The following RPS6KA2 variants were observed in gnomAD, a reference collection of about 807,000 sequenced individuals.
The protein encoded by RPS6KA2 is ribosomal protein S6 kinase A2.
Under a neutral mutation model 91.8 loss-of-function variants are expected in RPS6KA2, and 42 were observed. The ratio of observed to expected loss-of-function variants is 0.46; its 90% CI spans 0.36 to 0.59. The LOEUF is 0.59. Among genes scored for constraint, RPS6KA2 ranks in the 20% least tolerant of loss-of-function variants. The probability of loss-of-function intolerance (pLI) is 0.00; values close to 1 mark genes in which losing one functional copy is unlikely to be tolerated. For synonymous variants in RPS6KA2, 414 were observed against 393.6 expected, an observed-to-expected ratio of 1.05 and a Z score of -0.61; for missense variants, 798 against 978.5, an observed-to-expected ratio of 0.82 and a Z score of 2.46.
rs369192177 is a variant in RPS6KA2 at position 166,635,042 on chromosome 6, T to C, written c.124-96258A>G. Among the ~76,000 whole-genome samples the C allele has an allele frequency of 5.9e-4, 90 of 152,344 alleles. 1 individual carries two copies. In the South Asian group the frequency reaches 0.018, roughly 31 times the overall value. On this transcript the variant is annotated intron_variant, in intron 2 of 21. Coordinates refer to the RPS6KA2 transcript ENST00000503859. This position sits in a 1 kb window ranked among gnomAD's most constrained non-coding sequence, Gnocchi z 4.8. ...ATGAGGAAAATGAGACCATAATTTT[T>C]AAATTATAATAATTTTAAAAAGACT...
At chr6:166,830,140 AAGAAAG>A (rs1360686246) in intron 2 of RPS6KA2, among the ~76,000 whole-genome samples, 1 of 21,752 alleles carries the variant, frequency 4.6e-5, no homozygotes, top group African/African-American at 1.8e-4. Flanking sequence ...AAAAAAAAAA[AAGAAAG>A]AAAGAAAGAA....
In RPS6KA2 at chr6:166,822,391, C is replaced by T. The variant is rs560987541; in HGVS notation, c.123+35809G>A. ...CAGGGAGACACCCTGGCTTTGCTTGCGCAGAGAGACAACCAGGTGAGGACG... is the reference window on the plus strand; with the variant it reads ...CAGGGAGACACCCTGGCTTTGCTTGTGCAGAGAGACAACCAGGTGAGGACG... On this transcript the variant is annotated intron_variant, in intron 2 of 21. Transcript: ENST00000503859. Among the ~76,000 whole-genome samples the T allele has an allele frequency of 5.9e-5, 9 of 152,306 alleles. No homozygotes were observed. In the South Asian group the frequency reaches 1.0e-3, roughly 18 times the overall value.
chr6:166,804,794 A>C (rs916900767), intron 2 of RPS6KA2, among the ~76,000 whole-genome samples: 4 of 152,212 alleles, frequency 2.6e-5, no homozygotes, highest in African/African-American at 9.6e-5. Flanking sequence ...AACACAAATG[A>C]TCTGTGTAAA....
Position 166,809,137 on chromosome 6 carries a change from T to C in RPS6KA2, c.123+49063A>G, listed in dbSNP as rs566832200. Among the ~76,000 whole-genome samples, 5 of 152,246 alleles carry C rather than the reference T, an allele frequency of 3.3e-5. No homozygotes were observed. In the South Asian group the frequency reaches 1.0e-3, roughly 32 times the overall value. ...AAGGATGAATTTTATATCGGTGGTT[T>C]CAGGAAAACTGGATTACTACATGAA... is the stretch of plus-strand genomic sequence containing the variant. On this transcript the variant is annotated intron_variant, in intron 2 of 21. Coordinates refer to the RPS6KA2 transcript ENST00000503859.
intron 2 of RPS6KA2, among the ~76,000 whole-genome samples, chr6:166,694,145 C>G (rs1251667055): frequency 1.3e-5 from 2 of 152,224 alleles, no homozygotes; most frequent in African/African-American, 4.8e-5. Context: ...CCCACATGCT[C>G]TCTGCCTCCC....
chr6:166,621,042 G>C (rs1393555491), intron 1 of RPS6KA2, among the ~76,000 whole-genome samples: 1 of 152,166 alleles, frequency 6.6e-6, no homozygotes, highest in Non-Finnish European at 1.5e-5. Flanking sequence ...ACCCAGCCTG[G>C]GGAGCTTTGC....
intron 2 of RPS6KA2, among the ~76,000 whole-genome samples, chr6:166,655,094 C>A (rs1335100902): frequency 6.6e-6 from 1 of 152,258 alleles, no homozygotes; most frequent in Non-Finnish European, 1.5e-5. Flanking sequence ...ACAACTATTT[C>A]ACCCAACTCT....
chr6:166,541,433 G>A (rs1031673228), intron 1 of RPS6KA2, among the ~76,000 whole-genome samples: 1 of 152,220 alleles, frequency 6.6e-6, no homozygotes, highest in African/African-American at 2.4e-5. Flanking sequence ...TGGTGAATGA[G>A]CTCATGCAGT....
At chr6:166,549,728 A>G (rs1195579025) in intron 1 of RPS6KA2, among the ~76,000 whole-genome samples, 1 of 152,212 alleles carries the variant, frequency 6.6e-6, no homozygotes, top group African/African-American at 2.4e-5. Flanking sequence ...TATCTTCATC[A>G]GGATGGTATT....
intron 1 of RPS6KA2, among the ~76,000 whole-genome samples, chr6:166,565,653 C>T (rs993731258): frequency 6.6e-5 from 10 of 152,336 alleles, no homozygotes; most frequent in Admixed American, 1.3e-4. Flanking sequence ...GGACTTGACT[C>T]GGTCTTGGAC....
At chr6:166,695,130 T>C (rs1356128302) in intron 2 of RPS6KA2, among the ~76,000 whole-genome samples, 1 of 152,240 alleles carries the variant, frequency 6.6e-6, no homozygotes, top group African/African-American at 2.4e-5. Context: ...ATATGGCTGC[T>C]GTGCAGTGAG....
intron 2 of RPS6KA2, among the ~76,000 whole-genome samples, chr6:166,723,383 C>T (rs1225977381): frequency 1.3e-5 from 2 of 151,932 alleles, no homozygotes; most frequent in Admixed American, 6.6e-5. Flanking sequence ...GGGTCCCACA[C>T]GTGTGCACCG....
Position 166,770,828 on chromosome 6 carries a change from A to T in RPS6KA2, c.123+87372T>A, listed in dbSNP as rs1432989930. The T allele has an allele frequency of 1.3e-6, 2 of 1,558,934 alleles. No homozygotes were observed. Among genetic ancestry groups the T allele is most frequent in the African/African-American group, 2.8e-5 (2 of 72,494 alleles). Reference sequence around the variant, plus strand: ...AAAAAAAAATGTAACTCACATAAGCATGGAAAAAAACAAACCCACAGGAAC... The same window carrying T: ...AAAAAAAAATGTAACTCACATAAGCTTGGAAAAAAACAAACCCACAGGAAC... On this transcript the variant is annotated intron_variant, in intron 2 of 21. Coordinates refer to the RPS6KA2 transcript ENST00000503859. This position sits in a 1 kb window ranked among gnomAD's most constrained non-coding sequence, Gnocchi z 5.1.
intron 11 of RPS6KA2, among the ~76,000 whole-genome samples, chr6:166,461,695 G>A (rs925908917): frequency 6.6e-6 from 1 of 152,172 alleles, no homozygotes; most frequent in Non-Finnish European, 1.5e-5. Flanking sequence ...TTACACAAGA[G>A]ATTTCCATTA....
intron 2 of RPS6KA2, among the ~76,000 whole-genome samples, chr6:166,778,424 T>C (rs971637827): frequency 6.6e-6 from 1 of 152,252 alleles, no homozygotes; most frequent in Non-Finnish European, 1.5e-5. Flanking sequence ...TAACTTGAGC[T>C]ACTAAAGAAT....
chr6:166,708,078 A>G (rs1456713305), intron 2 of RPS6KA2, among the ~76,000 whole-genome samples: 2 of 152,228 alleles, frequency 1.3e-5, no homozygotes, highest in Non-Finnish European at 2.9e-5. Context: ...TTGTACAACC[A>G]CAGAAAAAAG....
rs554234819 is a variant in RPS6KA2, at chr6:166,530,430, G to A, written c.298+802C>T. 1.3e-3 allele frequency among the ~76,000 whole-genome samples: 199 copies of A among 152,342 alleles called. 1 individual carries two copies. Among genetic ancestry groups the A allele is most frequent in the African/African-American group, 4.6e-3 (190 of 41,574 alleles). ...GGCCACGTGACCCTCCCGTTCCTAG[G>A]AAGCCTGCCTCTCACCGTCTCGGCA... On this transcript the variant is annotated intron_variant, in intron 3 of 20. Transcript: ENST00000265678.
At chr6:166,829,415 C>T (rs1045895247) in intron 2 of RPS6KA2, among the ~76,000 whole-genome samples, 2 of 151,566 alleles carry the variant, frequency 1.3e-5, no homozygotes, top group African/African-American at 4.8e-5. Flanking sequence ...CACAGAGAAA[C>T]CCCGTCTCTA....
rs376976325 is a variant in RPS6KA2, at chr6:166,586,132, C to T, written c.99+40789G>A. The T allele has an allele frequency of 1.5e-3, 2,210 of 1,501,260 alleles. 8 individuals are homozygous for T. The highest frequency in any genetic ancestry group is 1.9e-3 in the Non-Finnish European group (2,101 of 1,123,268). 93.0% of individuals were successfully genotyped at this position (1,501,260 alleles called of 1,614,324 possible). Reference sequence around the variant, plus strand: ...TGCCAACATTTCTATCAGTAGTAACCGTAAGGAGGCCGCTGGTTGTAACCA... The same window carrying T: ...TGCCAACATTTCTATCAGTAGTAACTGTAAGGAGGCCGCTGGTTGTAACCA... On this transcript the variant is annotated intron_variant, in intron 1 of 20. Coordinates refer to ENST00000265678, the MANE Select transcript of RPS6KA2 (RefSeq NM_021135.6).
Sources: allele counts gnomAD v4.1 joint callset (sites outside exome capture counted in the v4.1 genomes callset), GRCh38; gene constraint gnomAD v4.1.1; non-coding constraint Gnocchi (gnomAD v3.1); transcripts MANE v1.5; gene names NCBI Gene and HGNC (gene_info 2026-07-23, HGNC 2026-07-21).